The following ADAMTS14 variants were observed in gnomAD, a reference collection of about 807,000 sequenced individuals.
ADAMTS14 encodes the protein ADAM metallopeptidase with thrombospondin type 1 motif 14.
In ADAMTS14, 100 loss-of-function variants were observed where a neutral mutation model predicts 128.6. The observed-to-expected ratio is 0.78, with a 90% CI of 0.66 to 0.92. ADAMTS14 has a LOEUF of 0.92. Among genes scored for constraint, ADAMTS14 ranks in the 40% least tolerant of loss-of-function variants. The pLI is 0.00. For missense variants in ADAMTS14, 1,562 were observed against 1,658.6 expected, an observed-to-expected ratio of 0.94 and a Z score of 1.01; for synonymous variants, 665 against 653.8, an observed-to-expected ratio of 1.02 and a Z score of -0.26.
intron 2 of ADAMTS14, among the ~76,000 whole-genome samples, chr10:70,681,273 C>T (rs1165841777): frequency 1.3e-5 from 2 of 152,218 alleles, no homozygotes; most frequent in South Asian, 2.1e-4. Context: ...GGAAGGCTTC[C>T]AGGGTAGGGG....
intron 2 of ADAMTS14, among the ~76,000 whole-genome samples, chr10:70,680,214 CAACA>C (rs1839762063): frequency 6.6e-6 from 1 of 151,938 alleles, no homozygotes; most frequent in African/African-American, 2.4e-5. Context: ...CCAGCCTGGC[CAACA>C]TGGAGAAACC....
chr10:70,749,952 C>T lies in ADAMTS14; in HGVS notation c.2394C>T (p.Thr798=). Residue 798 remains threonine, a synonymous_variant, in exon 16 of 22, where the codon ACC becomes ACT. Transcript: ENST00000373207. ...AVEDAKESLK[T]SGPLPEAIAI... is the part of the protein sequence containing the mutation. ...AGGATGCCAAGGAAAGCCTCAAGAC[C>T]AGCGGGCCCCTGCCTGAAGCCATTG... 1 of 1,614,130 alleles carries T rather than the reference C, an allele frequency of 6.2e-7. No individual in the cohort carries two copies. Among genetic ancestry groups the T allele is most frequent in the Non-Finnish European group, 8.5e-7 (1 of 1,180,032 alleles).
chr10:70,738,521 A>G (rs990849998), intron 10 of ADAMTS14, among the ~76,000 whole-genome samples: 1 of 152,150 alleles, frequency 6.6e-6, no homozygotes, highest in African/African-American at 2.4e-5. Context: ...TCTCTCCCCT[A>G]TCAGCCTTTT....
chr10:70,714,373 C>T (rs1840956281), intron 4 of ADAMTS14, among the ~76,000 whole-genome samples: 2 of 152,284 alleles, frequency 1.3e-5, no homozygotes, highest in South Asian at 2.1e-4. Context: ...CAGGCTGTAA[C>T]TTGCTAGTCT....
At chr10:70,745,940 A>G (rs1308249477) in intron 15 of ADAMTS14, among the ~76,000 whole-genome samples, 1 of 152,124 alleles carries the variant, frequency 6.6e-6, no homozygotes, top group African/African-American at 2.4e-5. Context: ...TATTCACATT[A>G]TATCTGTCAC....
At chr10:70,738,612 T>C (rs1841899784) in intron 10 of ADAMTS14, among the ~76,000 whole-genome samples, 1 of 152,230 alleles carries the variant, frequency 6.6e-6, no homozygotes, top group Admixed American at 6.5e-5. Flanking sequence ...GGGCCTTGTA[T>C]ACTGGGTATG....
rs533935084 is a variant in ADAMTS14, at chr10:70,716,721, C to T, written c.870+7943C>T. 8.5e-5 allele frequency among the ~76,000 whole-genome samples: 13 copies of T among 152,242 alleles called. No homozygotes were observed. The South Asian group carries it at 2.5e-3, about 29-fold the overall frequency. ...ATTTCCGGGGCCAGGTCTGGGCTGG[C>T]GGGACCAGAGGGAGGAGATCTGGTT... On this transcript the variant is annotated intron_variant, in intron 4 of 21. Coordinates refer to ENST00000373207, the MANE Select transcript of ADAMTS14 (RefSeq NM_080722.4).
chr10:70,682,004 C>T (rs1416721585), intron 2 of ADAMTS14, among the ~76,000 whole-genome samples: 2 of 152,274 alleles, frequency 1.3e-5, no homozygotes, highest in South Asian at 2.1e-4. Flanking sequence ...TCTCGCCTCA[C>T]TTTTCAGCCC....
At chr10:70,702,795 C>A (rs974848292) in intron 3 of ADAMTS14, among the ~76,000 whole-genome samples, 2 of 152,074 alleles carry the variant, frequency 1.3e-5, no homozygotes, top group Admixed American at 1.3e-4. Context: ...GTGAGTTCTT[C>A]CCCCCTAAAA....
At chr10:70,731,510 A>G (rs1008281897) in intron 6 of ADAMTS14, among the ~76,000 whole-genome samples, 5 of 152,162 alleles carry the variant, frequency 3.3e-5, no homozygotes, top group African/African-American at 1.2e-4. Flanking sequence ...GGAGGCCCCT[A>G]GGACACAGGC....
At chr10:70,715,210 G>A (rs12416365) in intron 4 of ADAMTS14, among the ~76,000 whole-genome samples, 1 of 152,328 alleles carries the variant, frequency 6.6e-6, no homozygotes, top group South Asian at 2.1e-4. Context: ...GGAAAGCTGA[G>A]AAGGCTTCTT....
At chr10:70,688,872 G>A (rs1434258570) in intron 2 of ADAMTS14, among the ~76,000 whole-genome samples, 11 of 32,500 alleles carry the variant, frequency 3.4e-4, no homozygotes, top group South Asian at 1.9e-3. Context: ...GGAGGGGGAG[G>A]GGGAGGGGGA....
At chr10:70,758,435 G>A in intron 21 of ADAMTS14, 150 bp downstream of exon 21, 2 of 663,212 alleles carry the variant, frequency 3.0e-6, no homozygotes, top group South Asian at 2.1e-5. Flanking sequence ...GTTATGAAGT[G>A]GGGAGGAGGC....
At chr10:70,745,103 A>G in intron 14 of ADAMTS14, 123 bp from the exon 15 acceptor site, 1 of 870,664 alleles carries the variant, frequency 1.1e-6, no homozygotes, top group Admixed American at 2.3e-5. Flanking sequence ...GGATACAGAG[A>G]TTCAGAGAGG....
At chr10:70,721,019 C>CTTTTTTTTTTTTTTTTTTTTTTTTTTTT (rs56656736) in intron 4 of ADAMTS14, among the ~76,000 whole-genome samples, 1 of 84,336 alleles carries the variant, frequency 1.2e-5, no homozygotes, top group Non-Finnish European at 2.1e-5. Context: ...TCTCTTTTTT[C>CTTTTTTTTTTTTTTTTTTTTTTTTTTTT]TTTTTTTTTT....
intron 11 of ADAMTS14, 55 bp downstream of exon 11, chr10:70,739,045 G>A: frequency 6.5e-7 from 1 of 1,546,778 alleles, no homozygotes; most frequent in South Asian, 1.2e-5. Flanking sequence ...CAGGGCGGAG[G>A]GGCTTGGAGG....
intron 4 of ADAMTS14, among the ~76,000 whole-genome samples, chr10:70,714,398 C>T (rs1401876602): frequency 6.6e-6 from 1 of 152,128 alleles, no homozygotes; most frequent in Non-Finnish European, 1.5e-5. Flanking sequence ...TCTGGTAGGC[C>T]GTGGGGCTGG....
intron 4 of ADAMTS14, among the ~76,000 whole-genome samples, chr10:70,716,037 A>G (rs1169539702): frequency 5.3e-5 from 8 of 152,232 alleles, no homozygotes; most frequent in Admixed American, 5.2e-4. Context: ...CCTCTGACTC[A>G]TGCATGACTC....
intron 3 of ADAMTS14, 132 bp from the exon 4 acceptor site, chr10:70,708,456 C>T (rs1377743709): frequency 2.7e-6 from 2 of 750,074 alleles, no homozygotes; most frequent in East Asian, 2.7e-5. Flanking sequence ...TGGAGCAATC[C>T]CTCATACTAC....
Sources: gnomAD v4.1 joint callset for allele counts (sites outside exome capture counted in the v4.1 genomes callset) on GRCh38, gnomAD v4.1.1 for gene constraint, MANE v1.5 for transcripts, NCBI Gene and HGNC (gene_info 2026-07-23, HGNC 2026-07-21) for gene names.